The following LDLRAD4 variants were observed in gnomAD, a reference collection of about 807,000 sequenced individuals.
LDLRAD4 encodes the protein low density lipoprotein receptor class A domain containing 4, also known as low-density lipoprotein receptor class A domain-containing protein 4.
A neutral mutation model predicts 17.0 loss-of-function variants in LDLRAD4; 5 were observed. That is an observed-to-expected ratio of 0.29 (90% CI 0.15 to 0.62). The LOEUF (loss-of-function observed/expected upper bound fraction) is 0.62. LDLRAD4 is among the 20% of genes least tolerant of loss of function. LDLRAD4 has a pLI of 0.84. For synonymous variants in LDLRAD4, 168 were observed against 171.8 expected, an observed-to-expected ratio of 0.98 and a Z score of 0.17; for missense variants, 340 against 424.7, an observed-to-expected ratio of 0.80 and a Z score of 1.75.
intron 4 of LDLRAD4, among the ~76,000 whole-genome samples, chr18:13,623,609 G>C (rs974272662): frequency 3.3e-5 from 5 of 152,248 alleles, no homozygotes; most frequent in Non-Finnish European, 7.3e-5. Context: ...ACCAGAGGCA[G>C]CTCGGCCCAG....
intron 3 of LDLRAD4, among the ~76,000 whole-genome samples, chr18:13,559,252 C>G (rs2094515582): frequency 6.6e-6 from 1 of 152,192 alleles, no homozygotes; most frequent in African/African-American, 2.4e-5. Flanking sequence ...ATCTGCATGG[C>G]TGCTTCCTTG....
At chr18:13,534,845 C>T (rs1568309316) in intron 3 of LDLRAD4, among the ~76,000 whole-genome samples, 1 of 152,176 alleles carries the variant, frequency 6.6e-6, no homozygotes, top group South Asian at 2.1e-4. Flanking sequence ...TCCCCAGTCC[C>T]GACCCCAGGC....
chr18:13,496,513 C>A (rs2093472679), intron 3 of LDLRAD4, among the ~76,000 whole-genome samples: 1 of 152,212 alleles, frequency 6.6e-6, no homozygotes, highest in Admixed American at 6.5e-5. Context: ...TGAGCCATGT[C>A]CCCTGTGGAG....
At chr18:13,589,198 T>G (rs2094976215) in intron 3 of LDLRAD4, among the ~76,000 whole-genome samples, 1 of 152,210 alleles carries the variant, frequency 6.6e-6, no homozygotes, top group Admixed American at 6.5e-5. Flanking sequence ...CCTCCTGAAG[T>G]GCTGGAATTA....
chr18:13,367,203 T>TA lies in LDLRAD4; in HGVS notation c.-382-20137dup, dbSNP rs1304474961. ...GCAATCCCCTCCAGCCCCACTCCGT[T>TA]ACAACCAGTGGAGGTGGAACTTGGA... On this transcript the variant is annotated intron_variant, in intron 1 of 5. Coordinates refer to ENST00000359446, the Ensembl canonical transcript of LDLRAD4. This position sits in a 1 kb window ranked among gnomAD's most constrained non-coding sequence, Gnocchi z 4.1. Among the ~76,000 whole-genome samples, 1 of 152,166 alleles carries TA rather than the reference T, an allele frequency of 6.6e-6. No homozygotes were observed.
chr18:13,246,538 C>T (rs1007934868), intron 1 of LDLRAD4, among the ~76,000 whole-genome samples: 2 of 152,206 alleles, frequency 1.3e-5, no homozygotes, highest in African/African-American at 4.8e-5. Context: ...GTACACACAC[C>T]GAGGTCAGTG....
rs948128480 is a variant in LDLRAD4 at position 13,645,023 on chromosome 18, A to G, written c.391-104A>G. On this transcript the variant is annotated intron_variant, in intron 5 of 5. Coordinates refer to ENST00000359446, the Ensembl canonical transcript of LDLRAD4. This position sits in a 1 kb window ranked among gnomAD's most constrained non-coding sequence, Gnocchi z 5.7. ...TTTTTTTCCTGGGAGATGGTGTTCA[A>G]ACTGGTAGGAACACACACCAAGCGT... 3.8e-5 allele frequency: 35 copies of G among 929,652 alleles called. No individual in the cohort carries two copies. The Admixed American group carries it at 7.1e-4, about 19-fold the overall frequency. 57.6% of individuals were successfully genotyped at this position (929,652 alleles called of 1,614,324 possible).
At chr18:13,223,946 C>G (rs1409950480) in intron 1 of LDLRAD4, among the ~76,000 whole-genome samples, 1 of 152,200 alleles carries the variant, frequency 6.6e-6, no homozygotes, top group Non-Finnish European at 1.5e-5. Context: ...GGACCTGGGT[C>G]AGGGATTCTT....
intron 3 of LDLRAD4, among the ~76,000 whole-genome samples, chr18:13,451,490 C>T (rs779570777): frequency 2.0e-5 from 3 of 152,190 alleles, no homozygotes; most frequent in Non-Finnish European, 4.4e-5. Context: ...AAGCAGATGT[C>T]AACACTATGC....
At chr18:13,328,424 C>G (rs1599445913) in intron 1 of LDLRAD4, among the ~76,000 whole-genome samples, 1 of 152,244 alleles carries the variant, frequency 6.6e-6, no homozygotes, top group South Asian at 2.1e-4. Context: ...AAATCCCTGT[C>G]TTATTCTTCC....
intron 3 of LDLRAD4, among the ~76,000 whole-genome samples, chr18:13,605,708 A>G (rs1225562043): frequency 6.6e-6 from 1 of 152,220 alleles, no homozygotes; most frequent in Non-Finnish European, 1.5e-5. Context: ...ACATGTGCAC[A>G]CAAACTCTGT....
chr18:13,325,642 C>G (rs1342377040), intron 1 of LDLRAD4, among the ~76,000 whole-genome samples: 2 of 152,224 alleles, frequency 1.3e-5, no homozygotes, highest in Admixed American at 6.5e-5. Context: ...CTTTCCAGGC[C>G]GATCCCGGCA....
chr18:13,308,261 G>A (rs530920777), intron 1 of LDLRAD4, among the ~76,000 whole-genome samples: 1 of 152,188 alleles, frequency 6.6e-6, no homozygotes, highest in South Asian at 2.1e-4. Flanking sequence ...ACAGCCATCT[G>A]GTGTCCCATT....
At chr18:13,641,691 C>T in intron 4 of LDLRAD4, 3 of 943,154 alleles carry the variant, frequency 3.2e-6, no homozygotes, top group Non-Finnish European at 3.8e-6. Flanking sequence ...GTTTCCTGTC[C>T]GGGCTGGCGG....
At chr18:13,642,345 C>G in intron 4 of LDLRAD4, 1 of 1,006,472 alleles carries the variant, frequency 9.9e-7, no homozygotes, top group South Asian at 4.7e-5. Context: ...GGCCGACAGC[C>G]CCGCGGACCC....
At chr18:13,430,803 G>T (rs1375399111) in intron 2 of LDLRAD4, among the ~76,000 whole-genome samples, 1 of 152,138 alleles carries the variant, frequency 6.6e-6, no homozygotes, top group Non-Finnish European at 1.5e-5. Flanking sequence ...AGGCCTGCAG[G>T]CTCCCTAGGC....
At chr18:13,346,382 T>C (rs1029691501) in intron 1 of LDLRAD4, among the ~76,000 whole-genome samples, 3 of 152,130 alleles carry the variant, frequency 2.0e-5, no homozygotes, top group African/African-American at 7.2e-5. Context: ...TGTAGTTGAG[T>C]GGTTTTGAGT....
chr18:13,407,626 C>G (rs2087887751), intron 2 of LDLRAD4, among the ~76,000 whole-genome samples: 1 of 152,214 alleles, frequency 6.6e-6, no homozygotes, highest in Non-Finnish European at 1.5e-5. Flanking sequence ...GGGTTTCACC[C>G]CCTTGGGAGC....
chr18:13,346,967 C>G (rs1414580892), intron 1 of LDLRAD4, among the ~76,000 whole-genome samples: 1 of 152,190 alleles, frequency 6.6e-6, no homozygotes, highest in Non-Finnish European at 1.5e-5. Flanking sequence ...ATGTGTGTCT[C>G]TACACGTGAG....
Sources: allele counts gnomAD v4.1 joint callset (sites outside exome capture counted in the v4.1 genomes callset), GRCh38; gene constraint gnomAD v4.1.1; non-coding constraint Gnocchi (gnomAD v3.1); transcripts MANE v1.5; gene names NCBI Gene and HGNC (gene_info 2026-07-23, HGNC 2026-07-21).